Variants in DOP1B observed in about 807,000 individuals in gnomAD.
The protein encoded by DOP1B is DOP1 leucine zipper like protein B.
DOP1B carries 174 observed loss-of-function variants against 233.5 expected under a neutral mutation model. That is an observed-to-expected ratio of 0.75 (90% CI 0.66 to 0.85). DOP1B has a LOEUF of 0.85. DOP1B is among the 40% of genes least tolerant of loss of function. The pLI is 0.00. For missense variants in DOP1B, 2,652 were observed against 2,846.6 expected, an observed-to-expected ratio of 0.93 and a Z score of 1.56; for synonymous variants, 1,190 against 1,185.6, an observed-to-expected ratio of 1.00 and a Z score of -0.08.
At chr21:36,238,877 C>T (rs2066857988) in intron 17 of DOP1B, among the ~76,000 whole-genome samples, 176 bp downstream of exon 17, 1 of 152,114 alleles carries the variant, frequency 6.6e-6, no homozygotes, top group Non-Finnish European at 1.5e-5. Context: ...CCGAGGCGGG[C>T]AGATCACTTG....
At position 36,238,583 on chromosome 21, in the gene DOP1B, A is replaced by T. The variant is rs747564114; in HGVS notation, c.2776-18A>T. 1 of 1,611,228 alleles carries T rather than the reference A, an allele frequency of 6.2e-7. No homozygotes were observed. Among genetic ancestry groups the T allele is most frequent in the Non-Finnish European group, 8.5e-7 (1 of 1,177,426 alleles). ...TTACAAAACCAAGTTCCTCACTCCCATGTATCTCCTCATCAAGGGAACAAG... is the reference window on the plus strand; with the variant it reads ...TTACAAAACCAAGTTCCTCACTCCCTTGTATCTCCTCATCAAGGGAACAAG... On this transcript the variant is annotated intron_variant, in intron 16 of 36. Transcript: ENST00000691173.
chr21:36,276,840 CAAAAAAAA>C (rs57389991), intron 27 of DOP1B, among the ~76,000 whole-genome samples, 173 bp from the exon 28 acceptor site: 7 of 106,262 alleles, frequency 6.6e-5, no homozygotes, highest in African/African-American at 2.5e-4. Context: ...GACTCCATCT[CAAAAAAAA>C]AAAAAAAAAA....
Position 36,230,978 on chromosome 21 carries a change from G to A in DOP1B, c.2194G>A (p.Val732Ile). The A allele has an allele frequency of 6.2e-7, 1 of 1,614,234 alleles. No individual in the cohort carries two copies. Among genetic ancestry groups the A allele is most frequent in the Non-Finnish European group, 8.5e-7 (1 of 1,180,038 alleles). Residue 732 changes from valine to isoleucine, a missense_variant, in exon 14 of 37, where the codon GTT becomes ATT. Around this residue, in one of 3 missense-constraint regions of DOP1B, gnomAD observed 2,617 missense variants for 2,794.3 expected, o/e 0.94. Coordinates refer to ENST00000691173, the MANE Select transcript of DOP1B (RefSeq NM_001320714.2). ...PARKNGGEWD[V>I]EKVVIDLGGS... ...CAGGAAAAACGGGGGAGAATGGGAT[G>A]TTGAGAAGGTGGTCATTGACCTGGG...
intron 2 of DOP1B, among the ~76,000 whole-genome samples, chr21:36,193,581 C>G (rs993647206): frequency 6.6e-6 from 1 of 152,154 alleles, no homozygotes; most frequent in African/African-American, 2.4e-5. Context: ...CTGCTGTTTT[C>G]TCAGTTTCCC....
At chr21:36,166,612 G>T (rs1195788334) in intron 2 of DOP1B, among the ~76,000 whole-genome samples, 4 of 152,126 alleles carry the variant, frequency 2.6e-5, no homozygotes, top group Non-Finnish European at 5.9e-5. Flanking sequence ...CAACATGTAG[G>T]TAGATGATAT....
At position 36,227,727 on chromosome 21, in the gene DOP1B, G is replaced by T. The variant is rs1308961309; in HGVS notation, c.1515G>T (p.Val505=). The stretch of plus-strand genomic sequence containing the variant: ...TGCAAACCCAGTATCTCCCTCAGGT[G>T]CTCGGCTGCCTGGTGCAGCCTCTTG... The part of the protein sequence containing the change: ...SEVQTQYLPQ[V]LGCLVQPLAE... The change falls in exon 13 of 37, where the codon GTG becomes GTT. Residue 505 remains valine (V), a synonymous_variant. Transcript: ENST00000691173. The T allele has an allele frequency of 6.2e-7, 1 of 1,603,968 alleles. No homozygotes were observed. Among genetic ancestry groups the T allele is most frequent in the East Asian group, 2.2e-5 (1 of 44,626 alleles).
rs567109667 is a variant in DOP1B, at chr21:36,239,059, C to T, written c.2876+358C>T. ...CAAAGGTTGCAGTGAGCCGAGACTG[C>T]GCCACTCCACTCCAGCCTGGGTGAC... On this transcript the variant is annotated intron_variant, in intron 17 of 36. Transcript: ENST00000691173. Among the ~76,000 whole-genome samples the T allele has an allele frequency of 3.3e-5, 5 of 152,192 alleles. No individual in the cohort carries two copies. In the South Asian group the frequency reaches 6.2e-4, roughly 19 times the overall value.
chr21:36,263,623 C>G lies in DOP1B; in HGVS notation c.5393C>G (p.Ala1798Gly). 6.2e-7 allele frequency: 1 copy of G among 1,614,126 alleles called. No individual in the cohort carries two copies. Among genetic ancestry groups the G allele is most frequent in the African/African-American group, 1.3e-5 (1 of 75,048 alleles). Residue 1798 changes from alanine (A) to glycine (G), a missense_variant, in exon 25 of 37, where the codon GCC becomes GGC. Physicochemically the swap from Ala to Gly is moderately conservative, Grantham distance 60 (BLOSUM62 0). Coordinates refer to ENST00000691173, the MANE Select transcript of DOP1B (RefSeq NM_001320714.2). ...AAAGAGTCTGTACAGTTGAATCTAG[C>G]CCCACCTGGGTATTTTCTGCTTCTC... The part of the protein sequence containing the change: ...VLKESVQLNL[A>G]PPGYFLLLSM...
At chr21:36,265,515 G>A (rs1470791860) in intron 26 of DOP1B, among the ~76,000 whole-genome samples, 6 of 152,244 alleles carry the variant, frequency 3.9e-5, no homozygotes, top group Admixed American at 1.3e-4. Flanking sequence ...GATGCTGCAC[G>A]TCCAGGTGCT....
In DOP1B at chr21:36,232,864, T is replaced by C. The variant is rs2066783177; in HGVS notation, c.2411T>C (p.Val804Ala). Residue 804 changes from valine to alanine, a missense_variant, in exon 15 of 37, where the codon GTG becomes GCG. Val to Ala is a moderately conservative substitution (Grantham distance 64). This residue lies in a region of DOP1B where 2,617 missense variants were observed against 2,794.3 expected (regional missense o/e 0.94). Coordinates refer to ENST00000691173, the MANE Select transcript of DOP1B (RefSeq NM_001320714.2). ...TCCCTCATGACTATTTGCTGCTGTG[T>C]GACTGACTGCTACCTCCAGAACGTG... is the stretch of plus-strand genomic sequence containing the variant. ...LKSLMTICCC[V>A]TDCYLQNVAI... 1 of 1,613,722 alleles carries C rather than the reference T, an allele frequency of 6.2e-7. No individual in the cohort carries two copies. The highest frequency in any genetic ancestry group is 1.3e-5 in the African/African-American group (1 of 74,890).
chr21:36,243,942 C>T (rs190454627), intron 18 of DOP1B, among the ~76,000 whole-genome samples: 4 of 150,674 alleles, frequency 2.7e-5, no homozygotes, highest in Non-Finnish European at 5.9e-5. Flanking sequence ...GCCTCCCAAA[C>T]AATCCTCCTA....
chr21:36,210,654 CAA>C (rs1163413642), intron 5 of DOP1B, among the ~76,000 whole-genome samples: 2 of 150,542 alleles, frequency 1.3e-5, no homozygotes, highest in African/African-American at 4.9e-5. Flanking sequence ...GAAAAACAAA[CAA>C]AAAAAATTAG....
chr21:36,269,288 T>G (rs1474203152), intron 26 of DOP1B, among the ~76,000 whole-genome samples: 1 of 152,026 alleles, frequency 6.6e-6, no homozygotes, highest in Non-Finnish European at 1.5e-5. Flanking sequence ...CCAAAGTAGC[T>G]GGGATTACAG....
At chr21:36,168,894 GT>G (rs375606002) in intron 2 of DOP1B, 11,525 of 380,438 alleles carry the variant, frequency 0.03, 231 homozygotes, top group African/African-American at 0.11. Context: ...CTCCCTGTGG[GT>G]TTTTTTTTTT....
chr21:36,180,885 C>CA (rs60982930), intron 2 of DOP1B, among the ~76,000 whole-genome samples: 33,798 of 134,518 alleles, frequency 0.25, 3,880 homozygotes, highest in Non-Finnish European at 0.28. Context: ...GACTGTGTCT[C>CA]AAAAAAAAAA....
At chr21:36,267,723 C>T (rs1189019379) in intron 26 of DOP1B, among the ~76,000 whole-genome samples, 4 of 145,824 alleles carry the variant, frequency 2.7e-5, no homozygotes, top group South Asian at 2.2e-4. Flanking sequence ...CCGTAAGTGT[C>T]GGCCGGCTGA....
intron 36 of DOP1B, among the ~76,000 whole-genome samples, chr21:36,292,595 G>GC (rs2067572465): frequency 7.1e-6 from 1 of 140,140 alleles, no homozygotes; most frequent in Admixed American, 7.4e-5. Context: ...GCTAATTTTT[G>GC]TTTTTTTGTT....
At chr21:36,241,138 C>CA (rs1204574160) in intron 18 of DOP1B, among the ~76,000 whole-genome samples, 1 of 151,626 alleles carries the variant, frequency 6.6e-6, no homozygotes, top group African/African-American at 2.4e-5. Flanking sequence ...ACTAAAAATA[C>CA]AAAAAATAAG....
intron 32 of DOP1B, among the ~76,000 whole-genome samples, chr21:36,282,526 G>A (rs2067428919): frequency 6.6e-6 from 1 of 152,180 alleles, no homozygotes; most frequent in African/African-American, 2.4e-5. Flanking sequence ...TCTCTTGCTA[G>A]AGTCCTCCTG....
Sources: gnomAD v4.1 joint callset for allele counts (sites outside exome capture counted in the v4.1 genomes callset) on GRCh38, gnomAD v4.1.1 for gene constraint, gnomAD v4.1.1 regional missense constraint, MANE v1.5 for transcripts, NCBI Gene and HGNC (gene_info 2026-07-23, HGNC 2026-07-21) for gene names.